ATAD3B: variants seen among roughly 807,000 people sequenced by gnomAD.
The protein encoded by ATAD3B is ATPase family AAA domain containing 3B.
A neutral mutation model predicts 70.2 loss-of-function variants in ATAD3B; 59 were observed. That is an observed-to-expected ratio of 0.84 (90% CI 0.68 to 1.04). ATAD3B has a LOEUF of 1.04. Among genes scored for constraint, ATAD3B ranks in the 50% least tolerant of loss-of-function variants. The probability of loss-of-function intolerance (pLI) is 0.00; values close to 1 mark genes in which losing one functional copy is unlikely to be tolerated. For missense variants in ATAD3B, 961 were observed against 913.4 expected (o/e 1.05, Z -0.67); for synonymous variants, 423 against 388.6 (o/e 1.09, Z -1.04).
intron 1 of ATAD3B, 77 bp from the exon 2 acceptor site, chr1:1,477,197 G>A (rs989491311): frequency 1.3e-6 from 2 of 1,562,564 alleles, no homozygotes; most frequent in South Asian, 1.1e-5. Flanking sequence ...TTTAGTAGAG[G>A]TTGGGTTTCA....
chr1:1,475,322 G>C (rs999218320), intron 1 of ATAD3B, among the ~76,000 whole-genome samples: 40 of 151,454 alleles, frequency 2.6e-4, no homozygotes, highest in Non-Finnish European at 1.0e-4. Context: ...TGGCGGGTGA[G>C]AGAGGTTTCT....
chr1:1,480,715 C>T lies in ATAD3B; in HGVS notation c.445-152C>T. 1.4e-6 allele frequency: 2 copies of T among 1,423,238 alleles called. 1 individual carries two copies. The highest frequency in any genetic ancestry group is 1.9e-6 in the Non-Finnish European group (2 of 1,070,268). The allele number at this position is 1,423,238 out of a possible 1,614,324, so 88.2% of individuals were successfully genotyped here. A position where few individuals can be genotyped will look rare whatever the true frequency, so the allele number is the denominator to read the frequency against. Reference sequence around the variant, plus strand: ...TGACTGCCGTCCCAGCCGATGTCACCCGTGTCTGTGTCAGGGTGCGGCGTC... The same window carrying T: ...TGACTGCCGTCCCAGCCGATGTCACTCGTGTCTGTGTCAGGGTGCGGCGTC... On this transcript the variant is annotated intron_variant, in intron 4 of 15. Coordinates refer to ENST00000673477, the MANE Select transcript of ATAD3B (RefSeq NM_031921.6).
intron 5 of ATAD3B, among the ~76,000 whole-genome samples, chr1:1,481,140 G>T (rs1639890697): frequency 7.3e-6 from 1 of 137,812 alleles, no homozygotes; most frequent in Non-Finnish European, 1.5e-5. Flanking sequence ...TTCAGGGAGG[G>T]CAGGAGCTGC....
downstream of ATAD3B, among the ~76,000 whole-genome samples, chr1:1,501,871 T>C (rs1640952949): frequency 6.8e-6 from 1 of 146,396 alleles, no homozygotes; most frequent in Non-Finnish European, 1.5e-5. Flanking sequence ...TTTGTTTTTG[T>C]TTTGTTTTGT....
At chr1:1,483,225 G>A in intron 7 of ATAD3B, 1 of 353,264 alleles carries the variant, frequency 2.8e-6, no homozygotes, top group Non-Finnish European at 5.6e-6. Flanking sequence ...AACCCGGGTG[G>A]TGGAGGTTGC....
rs558774810 is a variant in ATAD3B at position 1,492,117 on chromosome 1, C to CGGA, written c.1614+1449_1614+1451dup. On this transcript the variant is annotated intron_variant, in intron 15 of 15. Transcript: ENST00000673477. ...GGGAGGGTCACTTGAGTCCAGGAGG[C>CGGA]GGAGGCTGCAGTGAGCTGTGATTGT... 1.5e-4 allele frequency among the ~76,000 whole-genome samples: 23 copies of CGGA among 151,716 alleles called. 1 individual carries two copies. In the South Asian group the frequency reaches 4.4e-3, roughly 29 times the overall value.
intron 1 of ATAD3B, among the ~76,000 whole-genome samples, chr1:1,474,325 G>T (rs1639484819): frequency 6.6e-6 from 1 of 150,528 alleles, no homozygotes; most frequent in Non-Finnish European, 1.5e-5. Context: ...CGAGTAGCTG[G>T]GACTACAAGT....
chr1:1,480,555 G>A (rs2100546460), intron 4 of ATAD3B, among the ~76,000 whole-genome samples: 1 of 148,034 alleles, frequency 6.8e-6, no homozygotes. Context: ...GCGGAAGACA[G>A]AAGCTTCCTT....
chr1:1,490,415 A>G lies in ATAD3B; in HGVS notation c.1496A>G (p.Glu499Gly). Reference protein sequence around the residue: ...FDNCVLKPATEGKRRLKLAQF... With the variant: ...FDNCVLKPATGGKRRLKLAQF... ...AACTGTGTTCTTAAGCCGGCCACAG[A>G]AGGAAAACGGTGAGTGTCCCGCCTC... Residue 499 changes from glutamate (E) to glycine (G), a missense_variant, in exon 14 of 16, where the codon GAA becomes GGA. Around this residue, in one of 4 missense-constraint regions of ATAD3B, gnomAD observed 417 missense variants for 335.0 expected, o/e 1.24. Transcript: ENST00000673477. 6.2e-7 allele frequency: 1 copy of G among 1,613,326 alleles called. No homozygotes were observed. The highest frequency in any genetic ancestry group is 8.5e-7 in the Non-Finnish European group (1 of 1,179,674).
rs1483342847 is a variant in ATAD3B, at chr1:1,496,516, G to A, written c.*699G>A. The A allele has an allele frequency of 1.3e-5, 2 of 152,204 alleles. No individual in the cohort carries two copies. Among genetic ancestry groups the A allele is most frequent in the South Asian group, 2.1e-4 (1 of 4,822 alleles). The allele number at this position is 152,204 out of a possible 1,614,324, so 9.4% of individuals were successfully genotyped here. ...ACTGCGCCCAGGTGTAAGAGGGCACGCTTCTGCCCAGGCATCGTCCATGGA... is the reference window on the plus strand; with the variant it reads ...ACTGCGCCCAGGTGTAAGAGGGCACACTTCTGCCCAGGCATCGTCCATGGA... On this transcript the variant is annotated 3_prime_UTR_variant, in exon 16 of 16. Coordinates refer to ENST00000673477, the MANE Select transcript of ATAD3B (RefSeq NM_031921.6).
rs560050495 is a variant in ATAD3B at position 1,475,474 on chromosome 1, G to C, written c.206-1800G>C. On this transcript the variant is annotated intron_variant, in intron 1 of 15. Transcript: ENST00000673477. ...GCAGCGGGGTCGCCGAGATTCGCCC[G>C]TTGCTTTGTCCTTGCTGCTCTCCAG... is the stretch of plus-strand genomic sequence containing the variant. 6.0e-5 allele frequency among the ~76,000 whole-genome samples: 9 copies of C among 150,872 alleles called. No homozygotes were observed. In the South Asian group the frequency reaches 1.5e-3, roughly 24 times the overall value.
intron 12 of ATAD3B, among the ~76,000 whole-genome samples, chr1:1,488,179 ACTC>A (rs1333212673): frequency 6.6e-6 from 1 of 151,718 alleles, no homozygotes; most frequent in African/African-American, 2.4e-5. Flanking sequence ...TTGGTCAAGA[ACTC>A]CTGATCTCAA....
At position 1,494,317 on chromosome 1, in the gene ATAD3B, C is replaced by G. The variant is rs374323043; in HGVS notation, c.1615-1168C>G. ...CTCTCCTCTGCTGGGCCCTGGGTGACGTGCAGCCACTCGGGTGGACCCTGA... is the reference window on the plus strand; with the variant it reads ...CTCTCCTCTGCTGGGCCCTGGGTGAGGTGCAGCCACTCGGGTGGACCCTGA... On this transcript the variant is annotated intron_variant, in intron 15 of 15. Transcript: ENST00000673477. Among the ~76,000 whole-genome samples the G allele has an allele frequency of 8.6e-4, 131 of 152,068 alleles. 4 individuals carry two copies. Among genetic ancestry groups the G allele is most frequent in the Middle Eastern group, 6.8e-3 (2 of 294 alleles).
At chr1:1,492,501 GAAT>G (rs916348556) in intron 15 of ATAD3B, among the ~76,000 whole-genome samples, 5 of 150,308 alleles carry the variant, frequency 3.3e-5, no homozygotes, top group Non-Finnish European at 7.4e-5. Flanking sequence ...ATAATAAGAA[GAAT>G]AATAATTTGG....
chr1:1,476,657 C>G (rs373984723), intron 1 of ATAD3B, among the ~76,000 whole-genome samples: 1 of 151,464 alleles, frequency 6.6e-6, no homozygotes, highest in South Asian at 2.1e-4. Flanking sequence ...TACAAGTGCC[C>G]GCCGCCACGC....
chr1:1,508,589 C>T, the ATAD3B span, among the ~76,000 whole-genome samples: 1 of 151,394 alleles, frequency 6.6e-6, no homozygotes, highest in South Asian at 2.1e-4. Flanking sequence ...GACTCCATGC[C>T]CTTTTCTGGC....
chr1:1,479,303 T>C, intron 4 of ATAD3B, among the ~76,000 whole-genome samples, 195 bp downstream of exon 4: 1 of 147,500 alleles, frequency 6.8e-6, no homozygotes. Flanking sequence ...TGTGCACACA[T>C]GTACACGGAG....
chr1:1,477,482 G>C, intron 2 of ATAD3B, 132 bp downstream of exon 2: 1 of 1,456,048 alleles, frequency 6.9e-7, no homozygotes, highest in South Asian at 1.2e-5. Context: ...GGCCGAGCTT[G>C]GGCGCCTCAT....
Position 1,491,745 on chromosome 1 carries a change from G to T in ATAD3B, c.1614+1074G>T, listed in dbSNP as rs182757337. ...CCTTGATTTGAACGTAGGAGCCGGG[G>T]TATGTAGGGAGCTGTATTAGTCAGT... On this transcript the variant is annotated intron_variant, in intron 15 of 15. Transcript: ENST00000673477. Among the ~76,000 whole-genome samples, 837 of 152,082 alleles carry T rather than the reference G, an allele frequency of 5.5e-3. 11 individuals are homozygous for T. Among genetic ancestry groups the T allele is most frequent in the Non-Finnish European group, 8.5e-3 (580 of 67,944 alleles).
Sources: allele counts gnomAD v4.1 joint callset (sites outside exome capture counted in the v4.1 genomes callset), GRCh38; gene constraint gnomAD v4.1.1; regional missense constraint gnomAD v4.1.1; transcripts MANE v1.5; gene names NCBI Gene and HGNC (gene_info 2026-07-23, HGNC 2026-07-21).